The following CSMD2 variants were observed in gnomAD, a reference collection of about 807,000 sequenced individuals.
CSMD2 encodes the protein CUB and sushi domain-containing protein 2.
In CSMD2, 130 loss-of-function variants were observed where a neutral mutation model predicts 398.5. The observed-to-expected ratio is 0.33, with a 90% CI of 0.28 to 0.38. CSMD2 has a LOEUF of 0.38. Ranked by LOEUF, CSMD2 falls within the 10% of genes least tolerant of loss-of-function variation. The pLI is 1.00. For missense variants in CSMD2, 3,829 were observed against 4,764.9 expected, an observed-to-expected ratio of 0.80 and a Z score of 5.78; for synonymous variants, 1,828 against 1,908.5, an observed-to-expected ratio of 0.96 and a Z score of 1.10.
Position 33,615,558 on chromosome 1 carries a change from C to T in CSMD2, c.6017-938G>A, listed in dbSNP as rs60707977. On this transcript the variant is annotated intron_variant, in intron 39 of 70. Transcript: ENST00000373381. The stretch of plus-strand genomic sequence containing the variant: ...GGCAAGTTCAAAACCCTCCAGAACT[C>T]GGTTTCCCACAACTGTAAAATGGAA... Among the ~76,000 whole-genome samples, 1,256 of 152,266 alleles carry T rather than the reference C, an allele frequency of 8.2e-3. 38 individuals carry two copies. In the East Asian group the frequency reaches 0.12, roughly 15 times the overall value.
chr1:33,648,566 T>A (rs1481032408), intron 28 of CSMD2, among the ~76,000 whole-genome samples: 1 of 152,060 alleles, frequency 6.6e-6, no homozygotes, highest in East Asian at 1.9e-4. Flanking sequence ...AGGTAATGGG[T>A]TTTTTTCTTT....
chr1:33,861,381 G>A (rs1007023735), intron 5 of CSMD2: 2 of 152,146 alleles, frequency 1.3e-5, no homozygotes, highest in Non-Finnish European at 2.9e-5. Context: ...GCAGAGCTGG[G>A]TACCTGCAAC....
rs1447624341 is a variant in CSMD2 at position 33,941,148 on chromosome 1, T to C, written c.518-5194A>G. Among the ~76,000 whole-genome samples the C allele has an allele frequency of 3.3e-5, 5 of 152,364 alleles. No individual in the cohort carries two copies. The East Asian group carries it at 7.7e-4, about 24-fold the overall frequency. On this transcript the variant is annotated intron_variant, in intron 3 of 70. Transcript: ENST00000373381. ...AATATTATTAAAGCAGTGCCTGACA[T>C]TGAACAATTCCATTGTAGATTAGCT...
At chr1:34,149,170 T>A (rs1439712183) in intron 1 of CSMD2, among the ~76,000 whole-genome samples, 3 of 152,174 alleles carry the variant, frequency 2.0e-5, no homozygotes, top group Admixed American at 1.3e-4. Context: ...GCCATTTGCC[T>A]CAGTTTCCCT....
chr1:33,965,672 AT>A (rs1645531160), intron 3 of CSMD2, among the ~76,000 whole-genome samples: 1 of 152,212 alleles, frequency 6.6e-6, no homozygotes, highest in Non-Finnish European at 1.5e-5. Flanking sequence ...ACAGGTAAGA[AT>A]GGCTACCTAA....
chr1:34,126,577 C>G (rs1188254214), intron 1 of CSMD2, among the ~76,000 whole-genome samples: 1 of 152,198 alleles, frequency 6.6e-6, no homozygotes, highest in South Asian at 2.1e-4. Flanking sequence ...AAAATCTACA[C>G]CCTTTGGGAT....
rs528966266 is a variant in CSMD2, at chr1:33,741,459, C to G, written c.2173+1821G>C. ...CTGGGGCCCCATCCCTTTAGTGATT[C>G]TAATTCAGCAGGTCTAGGATGCGGC... On this transcript the variant is annotated intron_variant, in intron 14 of 70. Coordinates refer to ENST00000373381, the MANE Select transcript of CSMD2 (RefSeq NM_001281956.2). Among the ~76,000 whole-genome samples, 5 of 152,284 alleles carry G rather than the reference C, an allele frequency of 3.3e-5. No individual in the cohort carries two copies. The East Asian group carries it at 7.7e-4, about 24-fold the overall frequency.
chr1:33,892,984 G>A lies in CSMD2; in HGVS notation c.920+25110C>T, dbSNP rs566525720. Among the ~76,000 whole-genome samples the A allele has an allele frequency of 8.7e-4, 132 of 152,308 alleles. No individual in the cohort carries two copies. The South Asian group carries it at 0.026, about 30-fold the overall frequency. On this transcript the variant is annotated intron_variant, in intron 5 of 70. Coordinates refer to ENST00000373381, the MANE Select transcript of CSMD2 (RefSeq NM_001281956.2). ...TCAAGAGCAAACAGGTCTGGTGAAA[G>A]GGTTCATGTTATCCTATCAAAAATG...
intron 4 of CSMD2, among the ~76,000 whole-genome samples, chr1:33,920,052 G>A (rs541759254): frequency 6.6e-6 from 1 of 152,200 alleles, no homozygotes; most frequent in Non-Finnish European, 1.5e-5. Context: ...GGGAGTGGGG[G>A]TGTGGATATT....
At chr1:33,675,462 A>C (rs1296738020) in intron 25 of CSMD2, among the ~76,000 whole-genome samples, 1 of 152,236 alleles carries the variant, frequency 6.6e-6, no homozygotes, top group African/African-American at 2.4e-5. Flanking sequence ...TTGAGGCAAT[A>C]ATTAATAGCT....
intron 19 of CSMD2, among the ~76,000 whole-genome samples, chr1:33,723,261 G>A (rs987953023): frequency 6.6e-5 from 10 of 152,170 alleles, no homozygotes; most frequent in Non-Finnish European, 1.0e-4. Context: ...TTAATTAAAA[G>A]CATGCATCAA....
Position 34,129,006 on chromosome 1 carries a change from C to CG in CSMD2, c.187+35904_187+35905insC, listed in dbSNP as rs1663041540. ...CACGTCCACTACATACATGTGTACC[C>CG]CCCCCCACACACACACACATATACA... is the stretch of plus-strand genomic sequence containing the variant. On this transcript the variant is annotated intron_variant, in intron 1 of 70. Coordinates refer to ENST00000373381, the MANE Select transcript of CSMD2 (RefSeq NM_001281956.2). Among the ~76,000 whole-genome samples the CG allele has an allele frequency of 6.0e-5, 6 of 99,332 alleles. No homozygotes were observed. In the Middle Eastern group the frequency reaches 0.019, roughly 307 times the overall value. The allele number at this position is 99,332 out of a possible 152,430, so 65.2% of individuals were successfully genotyped here.
At chr1:33,817,382 A>G (rs1056771425) in intron 9 of CSMD2, among the ~76,000 whole-genome samples, 3 of 152,204 alleles carry the variant, frequency 2.0e-5, no homozygotes, top group African/African-American at 7.2e-5. Flanking sequence ...TTTAAATTTC[A>G]TAATCAGTAG....
At chr1:33,790,695 CT>C (rs1557898722) in intron 11 of CSMD2, among the ~76,000 whole-genome samples, 15 of 143,350 alleles carry the variant, frequency 1.0e-4, no homozygotes, top group African/African-American at 3.5e-4. Context: ...ATCTATCTAT[CT>C]ATCTATCATC....
intron 26 of CSMD2, 128 bp downstream of exon 26, chr1:33,662,762 G>A: frequency 1.1e-6 from 1 of 885,428 alleles, no homozygotes; most frequent in South Asian, 1.5e-5. Context: ...CCATGTACCA[G>A]GCACATAGCA....
At chr1:33,658,317 C>T (rs1416327895) in intron 26 of CSMD2, among the ~76,000 whole-genome samples, 180 bp from the exon 27 acceptor site, 1 of 150,760 alleles carries the variant, frequency 6.6e-6, no homozygotes, top group East Asian at 1.9e-4. Context: ...ATTACTATCA[C>T]TGCCTCCACC....
intron 2 of CSMD2, among the ~76,000 whole-genome samples, chr1:34,036,763 T>C (rs1249342464): frequency 2.0e-5 from 3 of 152,246 alleles, no homozygotes; most frequent in Non-Finnish European, 4.4e-5. Flanking sequence ...CCTGTGAATC[T>C]ATTATTATTT....
intron 25 of CSMD2, among the ~76,000 whole-genome samples, chr1:33,684,967 A>G (rs549641115): frequency 1.3e-5 from 2 of 152,330 alleles, no homozygotes; most frequent in African/African-American, 2.4e-5. Context: ...TCTACTATTG[A>G]GGCTCTAAAA....
intron 3 of CSMD2, among the ~76,000 whole-genome samples, chr1:33,957,978 T>C (rs1442602975): frequency 6.6e-6 from 1 of 152,076 alleles, no homozygotes; most frequent in Non-Finnish European, 1.5e-5. Flanking sequence ...TGTGTGTGTG[T>C]TGGTGCTGCT....
Sources: allele counts gnomAD v4.1 joint callset (sites outside exome capture counted in the v4.1 genomes callset), GRCh38; gene constraint gnomAD v4.1.1; transcripts MANE v1.5; gene names NCBI Gene and HGNC (gene_info 2026-07-23, HGNC 2026-07-21).